ARHGEF3: variants seen among roughly 807,000 people sequenced by gnomAD.
ARHGEF3 encodes the protein 59.8 kDA protein.
ARHGEF3 carries 28 observed loss-of-function variants against 63.2 expected under a neutral mutation model. That is an observed-to-expected ratio of 0.44 (90% confidence interval 0.33 to 0.61). The LOEUF is 0.61. ARHGEF3 is among the 20% of genes least tolerant of loss of function. The pLI is 0.03. For synonymous variants in ARHGEF3, 266 were observed against 254.2 expected, an observed-to-expected ratio of 1.05 and a Z score of -0.44; for missense variants, 533 against 659.3, an observed-to-expected ratio of 0.81 and a Z score of 2.10.
At chr3:56,985,772 C>CATGCACACCTGGGTCTTAT (rs140689747) in intron 2 of ARHGEF3, among the ~76,000 whole-genome samples, 54,173 of 152,096 alleles carry the variant, frequency 0.36, 10,160 homozygotes, top group Non-Finnish European at 0.4. Flanking sequence ...CCAGAATGAA[C>CATGCACACCTGGGTCTTAT]AAGCAGGTGA....
intron 4 of ARHGEF3, among the ~76,000 whole-genome samples, chr3:56,809,977 C>T (rs2038007409): frequency 1.3e-5 from 2 of 152,144 alleles, no homozygotes; most frequent in Non-Finnish European, 2.9e-5. Context: ...ATGTCATCCA[C>T]CTGCCTCGAC....
At chr3:56,899,650 A>T (rs1185762129) in intron 3 of ARHGEF3, among the ~76,000 whole-genome samples, 1 of 152,204 alleles carries the variant, frequency 6.6e-6, no homozygotes, top group Non-Finnish European at 1.5e-5. Flanking sequence ...AGCCTTTTTC[A>T]GGTCAAAGGT....
At chr3:56,931,331 T>A (rs2082952737) in intron 3 of ARHGEF3, among the ~76,000 whole-genome samples, 1 of 152,060 alleles carries the variant, frequency 6.6e-6, no homozygotes, top group African/African-American at 2.4e-5. Flanking sequence ...ATCCTAGCAC[T>A]TTGGGAGGCC....
chr3:56,888,995 T>G (rs958308284), intron 3 of ARHGEF3, among the ~76,000 whole-genome samples: 5 of 152,106 alleles, frequency 3.3e-5, no homozygotes, highest in East Asian at 1.9e-4. Flanking sequence ...CATATTCCAA[T>G]GGGAGGTCTC....
At chr3:57,061,638 C>A (rs1705228527) in intron 1 of ARHGEF3, among the ~76,000 whole-genome samples, 1 of 152,176 alleles carries the variant, frequency 6.6e-6, no homozygotes, top group African/African-American at 2.4e-5. Context: ...GCTTTCATTT[C>A]TTTGGGTATA....
intron 2 of ARHGEF3, among the ~76,000 whole-genome samples, chr3:56,989,684 G>A (rs1579032743): frequency 6.6e-6 from 1 of 152,098 alleles, no homozygotes; most frequent in African/African-American, 2.4e-5. Flanking sequence ...CCCCACAGCT[G>A]GGGCCCTCGT....
chr3:56,952,870 G>T (rs1699874461), intron 3 of ARHGEF3, among the ~76,000 whole-genome samples: 1 of 152,162 alleles, frequency 6.6e-6, no homozygotes, highest in South Asian at 2.1e-4. Flanking sequence ...CTTTTAAAAA[G>T]TTCTTCACGT....
At chr3:56,983,759 A>T (rs1701420714) in intron 2 of ARHGEF3, among the ~76,000 whole-genome samples, 1 of 152,082 alleles carries the variant, frequency 6.6e-6, no homozygotes, top group Non-Finnish European at 1.5e-5. Flanking sequence ...AATATGGTGA[A>T]ACCCTGTCTC....
intron 2 of ARHGEF3, among the ~76,000 whole-genome samples, chr3:57,023,242 AGG>A (rs2107171824): frequency 6.6e-6 from 1 of 152,330 alleles, no homozygotes; most frequent in South Asian, 2.1e-4. Context: ...TTAGTTTTAT[AGG>A]TGGATGGATG....
At chr3:56,787,072 A>G (rs1442826182) in intron 1 of ARHGEF3, among the ~76,000 whole-genome samples, 8 of 152,336 alleles carry the variant, frequency 5.3e-5, no homozygotes, top group African/African-American at 1.9e-4. Flanking sequence ...GTGTTTTCCA[A>G]TATGGGCCAT....
intron 4 of ARHGEF3, among the ~76,000 whole-genome samples, chr3:56,881,781 C>T (rs1261757989): frequency 1.3e-5 from 2 of 152,208 alleles, no homozygotes; most frequent in Non-Finnish European, 2.9e-5. Context: ...TTCCTATTTT[C>T]CAGATGAGGA....
chr3:56,924,862 TC>T (rs1191585625), intron 3 of ARHGEF3, among the ~76,000 whole-genome samples: 1 of 152,182 alleles, frequency 6.6e-6, no homozygotes, highest in Non-Finnish European at 1.5e-5. Flanking sequence ...GCCCAGTAGG[TC>T]TCAGCCTCAT....
At chr3:57,014,239 T>G (rs762354499) in intron 2 of ARHGEF3, among the ~76,000 whole-genome samples, 1 of 152,082 alleles carries the variant, frequency 6.6e-6, no homozygotes, top group Non-Finnish European at 1.5e-5. Context: ...AGGAACAAAC[T>G]CCGGACACAC....
chr3:56,992,406 A>C (rs1158939999), intron 2 of ARHGEF3, among the ~76,000 whole-genome samples: 3 of 140,942 alleles, frequency 2.1e-5, no homozygotes, highest in African/African-American at 5.5e-5. Flanking sequence ...AAAAAAAAAA[A>C]AAAAAAAACA....
chr3:57,074,336 C>T (rs1289497284), intron 1 of ARHGEF3: 1 of 1,392,570 alleles, frequency 7.2e-7, no homozygotes, highest in Non-Finnish European at 1.0e-6. Flanking sequence ...ATGCTATGCC[C>T]TCCCTTCCAT....
intron 4 of ARHGEF3, among the ~76,000 whole-genome samples, chr3:56,832,560 A>G (rs1316632100): frequency 6.6e-6 from 1 of 152,204 alleles, no homozygotes; most frequent in Non-Finnish European, 1.5e-5. Context: ...TATATATCCT[A>G]CCAGTCCATT....
At chr3:57,053,687 T>G (rs1237392063) in intron 1 of ARHGEF3, among the ~76,000 whole-genome samples, 1 of 152,234 alleles carries the variant, frequency 6.6e-6, no homozygotes, top group East Asian at 1.9e-4. Flanking sequence ...CAAAGGTAAC[T>G]GCTATCTTGA....
At position 57,079,142 on chromosome 3, in the gene ARHGEF3, T is replaced by C. The variant is rs1706348281; in HGVS notation, c.-28+84A>G. 1.6e-5 allele frequency: 6 copies of C among 376,050 alleles called. No individual in the cohort carries two copies. In the South Asian group the frequency reaches 6.5e-4, roughly 41 times the overall value. 23.3% of individuals were successfully genotyped at this position (376,050 alleles called of 1,614,324 possible). A position where few individuals can be genotyped will look rare whatever the true frequency, so the allele number is the denominator to read the frequency against. Reference sequence around the variant, plus strand: ...GAAGACGGTCTCACTCCGGGAGACCTAGCGGGGGTGTCCCGCCAAAGGGGT... The same window carrying C: ...GAAGACGGTCTCACTCCGGGAGACCCAGCGGGGGTGTCCCGCCAAAGGGGT... On this transcript the variant is annotated intron_variant, in intron 1 of 12. Transcript: ENST00000338458.
intron 4 of ARHGEF3, among the ~76,000 whole-genome samples, chr3:56,874,008 C>G (rs886236102): frequency 6.6e-6 from 1 of 152,186 alleles, no homozygotes; most frequent in African/African-American, 2.4e-5. Context: ...TTCTTTGTCA[C>G]TGTGCTTTTC....
Sources: gnomAD v4.1 joint callset for allele counts (sites outside exome capture counted in the v4.1 genomes callset) on GRCh38, gnomAD v4.1.1 for gene constraint, MANE v1.5 for transcripts, NCBI Gene and HGNC (gene_info 2026-07-23, HGNC 2026-07-21) for gene names.